Variants in DUOX2 observed in about 807,000 individuals in gnomAD.
DUOX2 encodes NADH/NADPH thyroid oxidase p138-tox.
In DUOX2, 185 loss-of-function variants were observed where a neutral mutation model predicts 183.3. That is an observed-to-expected ratio of 1.01 (90% confidence interval 0.90 to 1.14). The LOEUF (loss-of-function observed/expected upper bound fraction) is 1.14. Among genes scored for constraint, DUOX2 ranks in the 50% most tolerant of loss-of-function variants. The probability of loss-of-function intolerance (pLI) is 0.00; values close to 1 mark genes in which losing one functional copy is unlikely to be tolerated. For synonymous variants in DUOX2, 788 were observed against 812.4 expected, an observed-to-expected ratio of 0.97 and a Z score of 0.51; for missense variants, 1,999 against 2,022.9, an observed-to-expected ratio of 0.99 and a Z score of 0.23.
chr15:45,111,310 C>G, intron 6 of DUOX2, 33 bp from the exon 7 acceptor site: 1 of 1,383,670 alleles, frequency 7.2e-7, no homozygotes, highest in East Asian at 2.5e-5. Flanking sequence ...GGGGAGGAGA[C>G]GAGCGGTAGC....
rs1595531070 is a variant in DUOX2 at position 45,113,988 on chromosome 15, G to A, written c.-30C>T. ...CTGGTCTAACCTGTGGTTTAGGGTG[G>A]TGTTGGGTTCAGATGTCTTCTTTCC... is the stretch of plus-strand genomic sequence containing the variant. On this transcript the variant is annotated 5_prime_UTR_variant, in exon 1 of 34. Coordinates refer to ENST00000389039, the MANE Select transcript of DUOX2 (RefSeq NM_001363711.2). 5.3e-6 allele frequency: 1 copy of A among 189,848 alleles called. No homozygotes were observed. The allele number at this position is 189,848 out of a possible 1,614,324, so 11.8% of individuals were successfully genotyped here.
intron 26 of DUOX2, 41 bp downstream of exon 26, chr15:45,099,342 C>A (rs1303862907): frequency 6.3e-7 from 1 of 1,578,008 alleles, no homozygotes; most frequent in Non-Finnish European, 8.7e-7. Context: ...ACCCTTGGGC[C>A]CACCCTATGA....
At chr15:45,111,742 C>T (rs761967833) in intron 5 of DUOX2, 26 bp downstream of exon 5, 1 of 1,534,462 alleles carries the variant, frequency 6.5e-7, no homozygotes, top group Admixed American at 2.0e-5. Context: ...GGGTGCGGTC[C>T]CTTCCCGCCG....
chr15:45,106,311 G>T lies in DUOX2; in HGVS notation c.1962C>A (p.Gly654=). 6.2e-7 allele frequency: 1 copy of T among 1,613,990 alleles called. No homozygotes were observed. The part of the protein sequence containing the change: ...KDGVPAMEWP[G]PKERSSPIII... ...TGATGGGACTGCTCCTCTCCTTGGG[G>T]CCTGGCCACTCCATCGCTGGGGAAG... The change falls in exon 17 of 34, where the codon GGC becomes GGA. Residue 654 remains glycine (G), a synonymous_variant. Transcript: ENST00000389039.
intron 24 of DUOX2, 56 bp from the exon 25 acceptor site, chr15:45,099,948 C>A: frequency 6.2e-7 from 1 of 1,612,244 alleles, no homozygotes. Flanking sequence ...GTCCCGAGCC[C>A]TGGGCTCTCC....
chr15:45,110,057 C>T lies in DUOX2; in HGVS notation c.1041-77G>A, dbSNP rs1346680628. On this transcript the variant is annotated intron_variant, in intron 9 of 33. Coordinates refer to ENST00000389039, the MANE Select transcript of DUOX2 (RefSeq NM_001363711.2). ...ATGGGGTTGAGTGGGCTGAGGGACT[C>T]AGTGGGGGTTCACTAGGATTGAGCA... 5 of 1,317,144 alleles carry T rather than the reference C, an allele frequency of 3.8e-6. No homozygotes were observed. The African/African-American group carries it at 7.2e-5, about 19-fold the overall frequency. The allele number at this position is 1,317,144 out of a possible 1,614,324, so 81.6% of individuals were successfully genotyped here. A position where few individuals can be genotyped will look rare whatever the true frequency, so the allele number is the denominator to read the frequency against.
At chr15:45,102,976 T>A (rs1894120475) in intron 20 of DUOX2, among the ~76,000 whole-genome samples, 1 of 152,094 alleles carries the variant, frequency 6.6e-6, no homozygotes, top group Non-Finnish European at 1.5e-5. Context: ...AGTGACTCCG[T>A]CTCAAAACAA....
intron 9 of DUOX2, among the ~76,000 whole-genome samples, 156 bp from the exon 10 acceptor site, chr15:45,110,136 G>A (rs1894339997): frequency 6.6e-6 from 1 of 152,182 alleles, no homozygotes; most frequent in African/African-American, 2.4e-5. Context: ...TGCGTTTACT[G>A]AAGATAGAGT....
chr15:45,099,357 C>G, intron 26 of DUOX2, 26 bp downstream of exon 26: 1 of 1,606,992 alleles, frequency 6.2e-7, no homozygotes, highest in East Asian at 2.2e-5. Flanking sequence ...CTATGAGTCC[C>G]AGGAGAAACC....
Position 45,101,097 on chromosome 15 carries a change from A to T in DUOX2, c.2921+108T>A. ...TTGTGCTACCATGAGCTACTTTCAA[A>T]GGGCAAATGCCTGATTTTACCAGGG... On this transcript the variant is annotated intron_variant, in intron 22 of 33. Transcript: ENST00000389039. The T allele has an allele frequency of 1.7e-5, 18 of 1,033,342 alleles. No individual in the cohort carries two copies. The South Asian group carries it at 2.3e-4, about 13-fold the overall frequency. 64.0% of individuals were successfully genotyped at this position (1,033,342 alleles called of 1,614,324 possible).
chr15:45,108,446 G>T lies in DUOX2; in HGVS notation c.1399-224C>A. The T allele has an allele frequency of 3.3e-6, 2 of 612,754 alleles. 1 individual carries two copies. The highest frequency in any genetic ancestry group is 3.9e-5 in the South Asian group (2 of 51,268). 38.0% of individuals were successfully genotyped at this position (612,754 alleles called of 1,614,324 possible). A position where few individuals can be genotyped will look rare whatever the true frequency, so the allele number is the denominator to read the frequency against. ...GTCAGGTGCCCTAGGACCATATCCT[G>T]TGACCATCACCAGCCTGCCTGACCT... is the stretch of plus-strand genomic sequence containing the variant. On this transcript the variant is annotated intron_variant, in intron 12 of 33. Transcript: ENST00000389039.
chr15:45,107,075 C>G (rs1025513222), intron 14 of DUOX2, 106 bp from the exon 15 acceptor site: 2 of 1,487,052 alleles, frequency 1.3e-6, no homozygotes, highest in Non-Finnish European at 1.8e-6. Flanking sequence ...CTGTCTTCCC[C>G]AGGCCCACCT....
chr15:45,107,396 T>A lies in DUOX2; in HGVS notation c.1642A>T (p.Ile548Phe). 1.2e-6 allele frequency: 2 copies of A among 1,614,250 alleles called. No individual in the cohort carries two copies. Among genetic ancestry groups the A allele is most frequent in the Non-Finnish European group, 1.7e-6 (2 of 1,180,042 alleles). Residue 548 changes from isoleucine (I) to phenylalanine (F), a missense_variant, in exon 14 of 34, where the codon ATC becomes TTC. This residue lies in a region of DUOX2 where 1,628 missense variants were observed against 1,608.6 expected (regional missense o/e 1.01). Transcript: ENST00000389039. ...TGCAGGGCACTGGGGTCAATGTTGA[T>A]AACAGCGACCAGCACGTCCCGCAGG... ...TTLRDVLVAVINIDPSALQPN... is the reference protein window; with the variant it reads ...TTLRDVLVAVFNIDPSALQPN...
chr15:45,111,451 C>T lies in DUOX2; in HGVS notation c.648G>A (p.Gln216=), dbSNP rs1216874100. The T allele has an allele frequency of 3.9e-6, 6 of 1,547,108 alleles. No homozygotes were observed. The change falls in exon 6 of 34, where the codon CAG becomes CAA. Residue 216 remains glutamine (Q), a synonymous_variant. Coordinates refer to ENST00000389039, the MANE Select transcript of DUOX2 (RefSeq NM_001363711.2). ...GCGCCGCCCACATGAGCAGGGGGTT[C>T]TGCGAGTCTCGGGGGAAAGCGGGGT... is the stretch of plus-strand genomic sequence containing the variant. The part of the protein sequence containing the change: ...GPDPAFPRDS[Q]NPLLMWAAPD...
rs556820857 is a variant in DUOX2 at position 45,112,565 on chromosome 15, C to T, written c.314G>A (p.Gly105Glu). The T allele has an allele frequency of 6.5e-5, 105 of 1,613,086 alleles. 1 individual carries two copies. The South Asian group carries it at 1.1e-3, about 17-fold the overall frequency. Reference sequence around the variant, plus strand: ...CCCTTTGCCCTCACCAAAGAAGACCCCCAGTACGGTGCGGTTGTGGAGCGA... The same window carrying T: ...CCCTTTGCCCTCACCAAAGAAGACCTCCAGTACGGTGCGGTTGTGGAGCGA... Reference protein sequence around the residue: ...LPSLHNRTVLGVFFGYHVLSD... With the variant: ...LPSLHNRTVLEVFFGYHVLSD... Residue 105 changes from glycine to glutamate, a missense_variant, in exon 4 of 34, where the codon GGG (glycine) becomes GAG (glutamate). Coordinates refer to ENST00000389039, the MANE Select transcript of DUOX2 (RefSeq NM_001363711.2).
Position 45,097,315 on chromosome 15 carries a change from T to C in DUOX2, c.3770A>G (p.Tyr1257Cys), listed in dbSNP as rs202111642. 19 of 1,614,096 alleles carry C rather than the reference T, an allele frequency of 1.2e-5. No individual in the cohort carries two copies. Among genetic ancestry groups the C allele is most frequent in the Non-Finnish European group, 1.6e-5 (19 of 1,180,044 alleles). The stretch of plus-strand genomic sequence containing the variant: ...CAGGCTCACCAGCTTGTCACCTCCA[T>C]AGATGATTGCCGGGACCAGGAAGTA... ...HIYFLVPAII[Y>C]GGDKLVSLSR... The change falls in exon 29 of 34, where the codon TAT (tyrosine) becomes TGT (cysteine). Residue 1257 changes from tyrosine (Y) to cysteine (C), a missense_variant. Physicochemically the swap from Tyr to Cys is radical, Grantham distance 194. Transcript: ENST00000389039.
In DUOX2 at chr15:45,106,616, C is replaced by G. The variant is rs760623519; in HGVS notation, c.1857G>C (p.Val619=). The G allele has an allele frequency of 1.1e-5, 18 of 1,614,142 alleles. No homozygotes were observed. The East Asian group carries it at 3.6e-4, about 32-fold the overall frequency. ...TGTGTTCTCGGCCCCGGAAATAGGC[C>G]ACCACTCCAGAGAGAAGCAGACTCA... is the stretch of plus-strand genomic sequence containing the variant. ...PLVSLLLSGV[V]AYFRGREHKK... The change falls in exon 16 of 34, where the codon GTG becomes GTC. Residue 619 remains valine, a synonymous_variant. Coordinates refer to ENST00000389039, the MANE Select transcript of DUOX2 (RefSeq NM_001363711.2).
chr15:45,094,295 G>A (rs1443523726), intron 33 of DUOX2, 23 bp from the exon 34 acceptor site: 2 of 1,614,122 alleles, frequency 1.2e-6, no homozygotes, highest in African/African-American at 1.3e-5. Flanking sequence ...TGGAGAGAGA[G>A]AGGGGCCTGC....
At chr15:45,101,075 TG>T in intron 22 of DUOX2, 129 bp downstream of exon 22, 1 of 846,654 alleles carries the variant, frequency 1.2e-6, no homozygotes, top group Middle Eastern at 3.1e-4. Flanking sequence ...GGAATGTTTG[TG>T]CTACCATGAG....
Sources: allele counts gnomAD v4.1 joint callset (sites outside exome capture counted in the v4.1 genomes callset), GRCh38; gene constraint gnomAD v4.1.1; regional missense constraint gnomAD v4.1.1; transcripts MANE v1.5; gene names NCBI Gene and HGNC (gene_info 2026-07-23, HGNC 2026-07-21).